Variants in HMCN1 observed in about 807,000 individuals in gnomAD.
HMCN1 encodes the protein hemicentin-1.
HMCN1 carries 321 observed loss-of-function variants against 625.9 expected under a neutral mutation model. The ratio of observed to expected loss-of-function variants is 0.51; its 90% confidence interval spans 0.47 to 0.56. HMCN1 has a LOEUF of 0.56. HMCN1 is among the 20% of genes least tolerant of loss of function. HMCN1 has a pLI of 0.00. For synonymous variants in HMCN1, 2,425 were observed against 2,417.6 expected (o/e 1.00, Z -0.09); for missense variants, 6,588 against 6,887.3 (o/e 0.96, Z 1.54).
intron 4 of HMCN1, among the ~76,000 whole-genome samples, chr1:185,878,040 G>T (rs1664067864): frequency 6.6e-6 from 1 of 151,988 alleles, no homozygotes; most frequent in Non-Finnish European, 1.5e-5. Context: ...TTCTTCATTT[G>T]GTTCTCAGCT....
intron 3 of HMCN1, among the ~76,000 whole-genome samples, 157 bp from the exon 4 acceptor site, chr1:185,865,582 TAC>T (rs56891910): frequency 0.19 from 26,093 of 134,874 alleles, 2,685 homozygotes; most frequent in East Asian, 0.53. Context: ...TATATAAGCA[TAC>T]ACACACACAC....
In HMCN1 at chr1:186,137,501, A is replaced by G; in HGVS notation, c.13586A>G (p.His4529Arg). The G allele has an allele frequency of 1.2e-6, 2 of 1,613,446 alleles. No homozygotes were observed. The highest frequency in any genetic ancestry group is 1.7e-6 in the Non-Finnish European group (2 of 1,179,768). The change falls in exon 88 of 107, where the codon CAT (histidine) becomes CGT (arginine). Residue 4529 changes from histidine (H) to arginine (R), a missense_variant. Physicochemically the swap from His to Arg is conservative, Grantham distance 29 (BLOSUM62 0). Coordinates refer to ENST00000271588, the MANE Select transcript of HMCN1 (RefSeq NM_031935.3). Reference protein sequence around the residue: ...LVRVPVIVQVHGGFSQWSAWR... With the variant: ...LVRVPVIVQVRGGFSQWSAWR... ...AAGTACAATGTTTTATTTGCAGTTC[A>G]TGGTGGATTTTCCCAGTGGTCTGCA...
At position 186,055,679 on chromosome 1, in the gene HMCN1, G is replaced by A. The variant is rs539369335; in HGVS notation, c.7144+5G>A. 117 of 1,612,190 alleles carry A rather than the reference G, an allele frequency of 7.3e-5. No individual in the cohort carries two copies. The highest frequency in any genetic ancestry group is 9.8e-5 in the Non-Finnish European group (115 of 1,178,692). On this transcript the variant is annotated splice_donor_5th_base_variant and intron_variant, in intron 45 of 106. Coordinates refer to ENST00000271588, the MANE Select transcript of HMCN1 (RefSeq NM_031935.3). ...AATATGACTTAAGTGTCCATGGTAA[G>A]TAGAAAGAGGCTCAATATGTCCATT...
intron 19 of HMCN1, among the ~76,000 whole-genome samples, chr1:185,985,412 C>G (rs1651941289): frequency 6.6e-6 from 1 of 152,006 alleles, no homozygotes; most frequent in Non-Finnish European, 1.5e-5. Context: ...TGTTATCTCT[C>G]TTTGACTTCT....
At chr1:186,127,761 G>T (rs1369949882) in intron 82 of HMCN1, among the ~76,000 whole-genome samples, 2 of 152,080 alleles carry the variant, frequency 1.3e-5, no homozygotes, top group African/African-American at 2.4e-5. Flanking sequence ...CAGCTTTTGG[G>T]ATTATTTGCT....
intron 71 of HMCN1, among the ~76,000 whole-genome samples, chr1:186,110,977 C>CTTTTTTTTTTTTTTTTTTTGTTTTTTTTT (rs1660850319): frequency 1.6e-5 from 1 of 61,648 alleles, no homozygotes. Flanking sequence ...AGAGAAAATT[C>CTTTTTTTTTTTTTTTTTTTGTTTTTTTTT]TTTTTTTTTT....
At chr1:186,176,305 G>C (rs574583964) in intron 103 of HMCN1, among the ~76,000 whole-genome samples, 79 of 152,280 alleles carry the variant, frequency 5.2e-4, no homozygotes, top group African/African-American at 1.8e-3. Flanking sequence ...AAATTTTAAA[G>C]TCTGTAGTTT....
chr1:186,062,724 A>G, intron 48 of HMCN1, 124 bp downstream of exon 48: 1 of 706,770 alleles, frequency 1.4e-6, no homozygotes. Flanking sequence ...TTACATGGAT[A>G]TATTGAGTAC....
chr1:185,823,702 G>GTTCT (rs1660338396), intron 1 of HMCN1, among the ~76,000 whole-genome samples: 3 of 151,904 alleles, frequency 2.0e-5, no homozygotes, highest in Non-Finnish European at 4.4e-5. Context: ...ATCCTGTTCT[G>GTTCT]GAAAAATAAA....
intron 16 of HMCN1, among the ~76,000 whole-genome samples, chr1:185,978,993 CAA>C (rs1370428262): frequency 1.3e-5 from 2 of 152,084 alleles, no homozygotes. Flanking sequence ...AGTTTATTAA[CAA>C]TATTAAATAT....
chr1:186,033,924 C>A (rs1655651482), intron 36 of HMCN1, among the ~76,000 whole-genome samples: 1 of 151,782 alleles, frequency 6.6e-6, no homozygotes, highest in Non-Finnish European at 1.5e-5. Flanking sequence ...TGTCTTGATT[C>A]ATTAGTGAGT....
chr1:186,155,853 T>C (rs1178665639), intron 97 of HMCN1, among the ~76,000 whole-genome samples: 1 of 152,184 alleles, frequency 6.6e-6, no homozygotes, highest in Non-Finnish European at 1.5e-5. Context: ...ACTAGCAAAT[T>C]ATGTTCTGTC....
In HMCN1 at chr1:185,998,110, G is replaced by A. The variant is rs994860749; in HGVS notation, c.3874+586G>A. Among the ~76,000 whole-genome samples, 4 of 152,148 alleles carry A rather than the reference G, an allele frequency of 2.6e-5. No homozygotes were observed. In the East Asian group the frequency reaches 7.7e-4, roughly 29 times the overall value. On this transcript the variant is annotated intron_variant, in intron 25 of 106. Transcript: ENST00000271588. Reference sequence around the variant, plus strand: ...TTTCTCCTCAGGGGAATGTGAAAAGGACTGTCACTTTCACCCTAACTCTGC... The same window carrying A: ...TTTCTCCTCAGGGGAATGTGAAAAGAACTGTCACTTTCACCCTAACTCTGC...
intron 13 of HMCN1, among the ~76,000 whole-genome samples, chr1:185,964,546 A>G (rs1042700178): frequency 2.0e-5 from 3 of 152,148 alleles, no homozygotes; most frequent in Non-Finnish European, 4.4e-5. Context: ...GATAATAAAG[A>G]TAGAGAATTG....
rs576076976 is a variant in HMCN1 at position 186,139,092 on chromosome 1, C to G, written c.13924+1120C>G. Among the ~76,000 whole-genome samples, 6 of 152,164 alleles carry G rather than the reference C, an allele frequency of 3.9e-5. No individual in the cohort carries two copies. The East Asian group carries it at 1.2e-3, about 29-fold the overall frequency. On this transcript the variant is annotated intron_variant, in intron 89 of 106. Coordinates refer to ENST00000271588, the MANE Select transcript of HMCN1 (RefSeq NM_031935.3). ...AATGATCAGAAAAAGAAATAATGGA[C>G]AAACCAAAAAGGGACAGGTATTCAC...
intron 1 of HMCN1, among the ~76,000 whole-genome samples, chr1:185,796,862 G>C (rs933945382): frequency 1.3e-5 from 2 of 152,182 alleles, no homozygotes; most frequent in Non-Finnish European, 2.9e-5. Flanking sequence ...AAGGTACGCA[G>C]AAGTGGGATT....
chr1:186,008,470 C>T (rs1368748860), intron 30 of HMCN1, among the ~76,000 whole-genome samples: 1 of 151,882 alleles, frequency 6.6e-6, no homozygotes, highest in Admixed American at 6.6e-5. Flanking sequence ...GAATTAATTT[C>T]CTCTGTTTCT....
intron 11 of HMCN1, among the ~76,000 whole-genome samples, chr1:185,938,607 T>A (rs1180316984): frequency 6.6e-6 from 1 of 152,202 alleles, no homozygotes; most frequent in East Asian, 1.9e-4. Context: ...CAGTGGGACT[T>A]GGACTCTTGC....
At position 185,846,090 on chromosome 1, in the gene HMCN1, T is replaced by C; in HGVS notation, c.333T>C (p.Tyr111=). Residue 111 remains tyrosine (Y), a synonymous_variant, in exon 2 of 107, where the codon TAT becomes TAC. Coordinates refer to ENST00000271588, the MANE Select transcript of HMCN1 (RefSeq NM_031935.3). The stretch of plus-strand genomic sequence containing the variant: ...TTCAATATGAACTCAGAGAACTGTA[T>C]GTTCAGGTGAGTGCTTGCTTTCAGT... ...KKFQYELREL[Y]VQGGGDCPEM... The C allele has an allele frequency of 6.2e-7, 1 of 1,608,086 alleles. No homozygotes were observed. Among genetic ancestry groups the C allele is most frequent in the Non-Finnish European group, 8.5e-7 (1 of 1,174,716 alleles).
Sources: allele counts gnomAD v4.1 joint callset (sites outside exome capture counted in the v4.1 genomes callset), GRCh38; gene constraint gnomAD v4.1.1; transcripts MANE v1.5; gene names NCBI Gene and HGNC (gene_info 2026-07-23, HGNC 2026-07-21).